DZIP1L: variants seen among roughly 807,000 people sequenced by gnomAD.
The protein encoded by DZIP1L is cilium assembly protein DZIP1L.
Under a neutral mutation model 88.7 loss-of-function variants are expected in DZIP1L, and 90 were observed. The ratio of observed to expected loss-of-function variants is 1.02; its 90% CI spans 0.86 to 1.21. The LOEUF (loss-of-function observed/expected upper bound fraction) is 1.21, where lower values mean the gene tolerates loss of function less well. Among genes scored for constraint, DZIP1L ranks in the 50% most tolerant of loss-of-function variants. DZIP1L has a pLI of 0.00. For synonymous variants in DZIP1L, 363 were observed against 372.1 expected, an observed-to-expected ratio of 0.98 and a Z score of 0.28; for missense variants, 932 against 955.8, an observed-to-expected ratio of 0.98 and a Z score of 0.33.
intron 12 of DZIP1L, among the ~76,000 whole-genome samples, chr3:138,069,420 G>A (rs1172332042): frequency 3.9e-5 from 6 of 152,154 alleles, no homozygotes; most frequent in African/African-American, 9.7e-5. Context: ...AAAGTTACAC[G>A]CAAATTTTCA....
intron 1 of DZIP1L, among the ~76,000 whole-genome samples, chr3:138,114,008 G>A (rs2042656034): frequency 6.9e-6 from 1 of 144,712 alleles, no homozygotes; most frequent in African/African-American, 2.4e-5. Context: ...CTTCCCAGAT[G>A]CAGAATTGTA....
At chr3:138,069,375 A>G (rs1216673213) in intron 12 of DZIP1L, among the ~76,000 whole-genome samples, 1 of 152,250 alleles carries the variant, frequency 6.6e-6, no homozygotes, top group Non-Finnish European at 1.5e-5. Flanking sequence ...TCTGGTCAAC[A>G]GTAGGCTATG....
intron 14 of DZIP1L, among the ~76,000 whole-genome samples, chr3:138,067,060 T>G (rs980398899): frequency 6.6e-6 from 1 of 152,114 alleles, no homozygotes; most frequent in Non-Finnish European, 1.5e-5. Flanking sequence ...GGATCTGGAT[T>G]TGGGGAGGCT....
chr3:138,102,121 G>A, intron 2 of DZIP1L: 2 of 1,415,782 alleles, frequency 1.4e-6, no homozygotes, highest in Non-Finnish European at 9.9e-7. Flanking sequence ...TCCTTGTACT[G>A]TGCCTTGACC....
In DZIP1L at chr3:138,062,476, C is replaced by A; in HGVS notation, c.*340G>T. 1 of 215,174 alleles carries A rather than the reference C, an allele frequency of 4.6e-6. No individual in the cohort carries two copies. The highest frequency in any genetic ancestry group is 5.0e-5 in the Admixed American group (1 of 19,874). The allele number at this position is 215,174 out of a possible 1,614,324, so 13.3% of individuals were successfully genotyped here. A position where few individuals can be genotyped will look rare whatever the true frequency, so the allele number is the denominator to read the frequency against. On this transcript the variant is annotated 3_prime_UTR_variant, in exon 16 of 16. Coordinates refer to ENST00000327532, the MANE Select transcript of DZIP1L (RefSeq NM_173543.3). ...AGGAACCATCTCCACAGTGTTCCTGCAGTTTTATAAAAGGCTTGGGAAAAG... is the reference window on the plus strand; with the variant it reads ...AGGAACCATCTCCACAGTGTTCCTGAAGTTTTATAAAAGGCTTGGGAAAAG...
chr3:138,100,225 T>C (rs1232349068), intron 2 of DZIP1L, among the ~76,000 whole-genome samples: 2 of 152,216 alleles, frequency 1.3e-5, no homozygotes, highest in African/African-American at 4.8e-5. Flanking sequence ...TAATCAATTA[T>C]GCATGCTTGG....
chr3:138,105,107 AAT>A (rs1444736939), intron 1 of DZIP1L, among the ~76,000 whole-genome samples: 2 of 151,924 alleles, frequency 1.3e-5, no homozygotes, highest in East Asian at 1.9e-4. Context: ...GATAATCTCC[AAT>A]ATATATATAT....
At chr3:138,111,463 C>G (rs539040619) in intron 1 of DZIP1L, among the ~76,000 whole-genome samples, 2 of 152,202 alleles carry the variant, frequency 1.3e-5, no homozygotes, top group Non-Finnish European at 1.5e-5. Context: ...GCAGTGCCCA[C>G]GCTGACTGTC....
intron 10 of DZIP1L, chr3:138,080,259 C>A: frequency 3.7e-6 from 1 of 267,582 alleles, no homozygotes; most frequent in African/African-American, 2.2e-5. Flanking sequence ...GTCAGTAGGG[C>A]AGGCTGTGAA....
chr3:138,087,120 A>G, intron 6 of DZIP1L, 97 bp from the exon 7 acceptor site: 1 of 1,064,410 alleles, frequency 9.4e-7, no homozygotes, highest in South Asian at 1.4e-5. Flanking sequence ...ATGGGTAGGC[A>G]GACAGAGTAG....
intron 5 of DZIP1L, chr3:138,089,247 A>G: frequency 4.1e-6 from 4 of 985,410 alleles, no homozygotes; most frequent in Non-Finnish European, 4.8e-6. Flanking sequence ...CTGGTTCCAA[A>G]GGTTAACAAT....
At chr3:138,105,652 T>C (rs1326428662) in intron 1 of DZIP1L, among the ~76,000 whole-genome samples, 2 of 150,468 alleles carry the variant, frequency 1.3e-5, no homozygotes, top group Admixed American at 6.6e-5. Context: ...GAAACTATCC[T>C]TTTTTTTTCA....
intron 7 of DZIP1L, 47 bp downstream of exon 7, chr3:138,086,914 G>A (rs377376559): frequency 2.4e-4 from 384 of 1,595,160 alleles, no homozygotes; most frequent in Middle Eastern, 5.0e-4. Context: ...ATTCTGAGAG[G>A]AGGTCACAGG....
chr3:138,091,502 C>T (rs984932089), intron 5 of DZIP1L, among the ~76,000 whole-genome samples: 7 of 151,158 alleles, frequency 4.6e-5, no homozygotes, highest in African/African-American at 1.7e-4. Flanking sequence ...CCTGTAATCC[C>T]AGTTACTCCG....
intron 4 of DZIP1L, among the ~76,000 whole-genome samples, chr3:138,092,868 T>C (rs531870826): frequency 6.6e-6 from 1 of 152,324 alleles, no homozygotes; most frequent in Admixed American, 6.5e-5. Flanking sequence ...CTAAGTCTAG[T>C]TCTCTTGCTA....
chr3:138,108,728 G>A (rs2042562550), intron 1 of DZIP1L, among the ~76,000 whole-genome samples: 1 of 152,152 alleles, frequency 6.6e-6, no homozygotes, highest in African/African-American at 2.4e-5. Flanking sequence ...GATAATGCCA[G>A]GAATTGCAAA....
intron 13 of DZIP1L, among the ~76,000 whole-genome samples, 171 bp from the exon 14 acceptor site, chr3:138,067,871 A>G (rs1942983430): frequency 6.6e-6 from 1 of 152,164 alleles, no homozygotes; most frequent in African/African-American, 2.4e-5. Flanking sequence ...CCACACCAGT[A>G]TCTCCCTTAG....
rs561007832 is a variant in DZIP1L, at chr3:138,110,861, G to T, written c.-82+4467C>A. Among the ~76,000 whole-genome samples the T allele has an allele frequency of 1.6e-4, 24 of 152,374 alleles. No individual in the cohort carries two copies. The South Asian group carries it at 4.6e-3, about 29-fold the overall frequency. On this transcript the variant is annotated intron_variant, in intron 1 of 15. Transcript: ENST00000327532. ...TGATCAAAGAGAGGAAACAGAGAGA[G>T]GAAACAAACAGGGGAAATGACTTTC...
rs1944548151 is a variant in DZIP1L, at chr3:138,097,758, C to T, written c.586+5G>A. On this transcript the variant is annotated splice_donor_5th_base_variant and intron_variant, in intron 3 of 15. Transcript: ENST00000327532. Reference sequence around the variant, plus strand: ...GAAGGGGCCCGGGCTGCTGTCTGGACTCACCACCTTCTGCCACGCCTGCAT... The same window carrying T: ...GAAGGGGCCCGGGCTGCTGTCTGGATTCACCACCTTCTGCCACGCCTGCAT... 6.2e-7 allele frequency: 1 copy of T among 1,608,732 alleles called. No homozygotes were observed. Among genetic ancestry groups the T allele is most frequent in the African/African-American group, 1.3e-5 (1 of 74,894 alleles).
Sources: gnomAD v4.1 joint callset for allele counts (sites outside exome capture counted in the v4.1 genomes callset) on GRCh38, gnomAD v4.1.1 for gene constraint, MANE v1.5 for transcripts, NCBI Gene and HGNC (gene_info 2026-07-23, HGNC 2026-07-21) for gene names.